The following PIWIL3 variants were observed in gnomAD, a reference collection of about 807,000 sequenced individuals.
The protein encoded by PIWIL3 is piwi-like protein 3.
Under a neutral mutation model 109.7 loss-of-function variants are expected in PIWIL3, and 101 were observed. That is an observed-to-expected ratio of 0.92 (90% CI 0.78 to 1.09). PIWIL3 has a LOEUF of 1.09. Among genes scored for constraint, PIWIL3 ranks in the 50% least tolerant of loss-of-function variants. The pLI, the probability that PIWIL3 is intolerant of heterozygous loss-of-function variation, is 0.00. For synonymous variants in PIWIL3, 373 were observed against 376.4 expected, an observed-to-expected ratio of 0.99 and a Z score of 0.10; for missense variants, 1,031 against 1,072.6, an observed-to-expected ratio of 0.96 and a Z score of 0.54.
chr22:24,728,259 ACTTTTTCTAAGGT>A lies in PIWIL3; in HGVS notation c.1810_1822del (p.Thr604SerfsTer14). ...CTTGGTGACGATGGTCCTTGCCTGG[ACTTTTTCTAAGGT>A]CTTTTTCACCACACACTGGCTTGGA... On this transcript the variant is annotated frameshift_variant, in exon 15 of 21. Transcript: ENST00000616349. LOFTEE classifies it high-confidence loss of function. 3 of 1,614,174 alleles carry A rather than the reference ACTTTTTCTAAGGT, an allele frequency of 1.9e-6. No homozygotes were observed. The highest frequency in any genetic ancestry group is 1.1e-5 in the South Asian group (1 of 91,084).
intron 14 of PIWIL3, among the ~76,000 whole-genome samples, chr22:24,732,619 C>T (rs569480646): frequency 6.6e-6 from 1 of 152,122 alleles, no homozygotes; most frequent in East Asian, 1.9e-4. Context: ...GTCAGGAGAT[C>T]GAGACCATCC....
chr22:24,739,606 C>G (rs1228946738), intron 12 of PIWIL3, among the ~76,000 whole-genome samples: 1 of 151,874 alleles, frequency 6.6e-6, no homozygotes, highest in Non-Finnish European at 1.5e-5. Context: ...ATCCTTCAAA[C>G]ATGAAGGACA....
chr22:24,755,969 C>T, intron 5 of PIWIL3, 64 bp from the exon 6 acceptor site: 2 of 1,534,704 alleles, frequency 1.3e-6, no homozygotes, highest in African/African-American at 1.4e-5. Flanking sequence ...AACTTCATTG[C>T]ACGGCAAATC....
At chr22:24,763,047 G>A (rs1038337546) in intron 1 of PIWIL3, among the ~76,000 whole-genome samples, 3 of 151,624 alleles carry the variant, frequency 2.0e-5, no homozygotes, top group Non-Finnish European at 4.4e-5. Context: ...GGTTACTAAC[G>A]ACACACATTC....
intron 16 of PIWIL3, among the ~76,000 whole-genome samples, chr22:24,726,119 G>A (rs1346761233): frequency 6.6e-6 from 1 of 152,136 alleles, no homozygotes; most frequent in African/African-American, 2.4e-5. Context: ...TTCACTGCTA[G>A]TGTCAGCATC....
intron 1 of PIWIL3, among the ~76,000 whole-genome samples, chr22:24,768,550 C>G (rs1174688611): frequency 6.6e-6 from 1 of 152,152 alleles, no homozygotes; most frequent in East Asian, 1.9e-4. Context: ...CCACGCCTGG[C>G]CTGTTTTCCC....
At chr22:24,725,637 T>C in intron 16 of PIWIL3, 122 bp from the exon 17 acceptor site, 2 of 964,032 alleles carry the variant, frequency 2.1e-6, no homozygotes, top group Non-Finnish European at 1.6e-6. Flanking sequence ...CATCAATTCA[T>C]ATCTCTACGG....
intron 4 of PIWIL3, 65 bp downstream of exon 4, chr22:24,757,843 G>GAA (rs61691049): frequency 4.8e-4 from 634 of 1,322,908 alleles, no homozygotes; most frequent in Admixed American, 1.3e-3. Flanking sequence ...GTCTCTCAAT[G>GAA]AAAAAAAAAA....
chr22:24,733,937 A>AGT (rs1601828807), intron 14 of PIWIL3, 147 bp downstream of exon 14: 1 of 742,128 alleles, frequency 1.3e-6, no homozygotes, highest in East Asian at 3.1e-5. Flanking sequence ...CTAAACCATG[A>AGT]AAGTTTGTAT....
chr22:24,750,445 A>G (rs775892967), intron 9 of PIWIL3, among the ~76,000 whole-genome samples: 2 of 151,518 alleles, frequency 1.3e-5, no homozygotes, highest in African/African-American at 2.4e-5. Context: ...ATTTCTAGAT[A>G]AGTAATATTT....
rs143796784 is a variant in PIWIL3, at chr22:24,755,235, G to A, written c.693-371C>T. On this transcript the variant is annotated intron_variant, in intron 6 of 20. Transcript: ENST00000616349. Reference sequence around the variant, plus strand: ...CCTCCTGGGACCAAGTGATTCTCCCGCCTCAGCCTTTCAAGTAGCTGAAAC... The same window carrying A: ...CCTCCTGGGACCAAGTGATTCTCCCACCTCAGCCTTTCAAGTAGCTGAAAC... 3.7e-3 allele frequency among the ~76,000 whole-genome samples: 567 copies of A among 152,162 alleles called. 4 individuals carry two copies. Among genetic ancestry groups the A allele is most frequent in the African/African-American group, 0.013 (540 of 41,512 alleles).
chr22:24,720,269 T>G (rs1032087593), intron 19 of PIWIL3, among the ~76,000 whole-genome samples: 4 of 59,584 alleles, frequency 6.7e-5, no homozygotes, highest in Non-Finnish European at 9.2e-5. Context: ...GTTTTTTTTT[T>G]TTTTTTTTTT....
intron 4 of PIWIL3, 75 bp from the exon 5 acceptor site, chr22:24,756,780 A>T (rs1200815329): frequency 7.6e-7 from 1 of 1,321,176 alleles, no homozygotes; most frequent in African/African-American, 1.5e-5. Context: ...ACACTACAAT[A>T]TTAAAAGCCA....
chr22:24,773,864 G>A (rs9608334), intron 1 of PIWIL3, among the ~76,000 whole-genome samples: 67,880 of 151,306 alleles, frequency 0.45, 15,469 homozygotes, highest in East Asian at 0.59. Context: ...ACAGGCACCC[G>A]CCACTGCGCC....
At chr22:24,742,485 A>G (rs542825597) in intron 12 of PIWIL3, among the ~76,000 whole-genome samples, 2 of 152,344 alleles carry the variant, frequency 1.3e-5, no homozygotes, top group South Asian at 2.1e-4. Flanking sequence ...GCATCATATT[A>G]TTTGATTTCA....
At chr22:24,769,029 G>A (rs1925967020) in intron 1 of PIWIL3, among the ~76,000 whole-genome samples, 1 of 152,102 alleles carries the variant, frequency 6.6e-6, no homozygotes, top group South Asian at 2.1e-4. Context: ...TAAAAACGAG[G>A]CCAACTATAC....
chr22:24,762,437 T>A lies in PIWIL3; in HGVS notation c.63A>T (p.Gln21His), dbSNP rs79365344. The A allele has an allele frequency of 1.4e-3, 2,306 of 1,614,048 alleles. 32 individuals carry two copies. The African/African-American group carries it at 0.027, about 19-fold the overall frequency. ...GTGCTCTGGGTCCCCCAGGTGCCTC[T>A]TGTTGGTAGCTCTCCCTGCGGCGGG... Reference protein sequence around the residue: ...GRARRRESYQQEAPGGPRAPG... With the variant: ...GRARRRESYQHEAPGGPRAPG... The change falls in exon 2 of 21, where the codon CAA becomes CAT. Residue 21 changes from glutamine (Q) to histidine (H), a missense_variant. By Grantham distance (24) the Gln-to-His change is conservative. Transcript: ENST00000616349.
intron 1 of PIWIL3, among the ~76,000 whole-genome samples, chr22:24,762,730 A>C (rs1217223923): frequency 6.6e-6 from 1 of 152,152 alleles, no homozygotes; most frequent in Non-Finnish European, 1.5e-5. Flanking sequence ...GAAAAAGCAA[A>C]AGTGGGGGAG....
chr22:24,735,568 A>G (rs1036100323), intron 13 of PIWIL3, 140 bp downstream of exon 13: 3 of 755,284 alleles, frequency 4.0e-6, no homozygotes, highest in Admixed American at 6.8e-5. Context: ...GTCTGTTTTA[A>G]TATTTTTTGA....
Sources: allele counts gnomAD v4.1 joint callset (sites outside exome capture counted in the v4.1 genomes callset), GRCh38; gene constraint gnomAD v4.1.1; transcripts MANE v1.5; gene names NCBI Gene and HGNC (gene_info 2026-07-23, HGNC 2026-07-21).